FAAH2: variants seen among roughly 807,000 people sequenced by gnomAD.
FAAH2 encodes the protein fatty acid amide hydrolase 2.
Under a neutral mutation model 36.9 loss-of-function variants are expected in FAAH2, and 60 were observed. The ratio of observed to expected loss-of-function variants is 1.63; its 90% CI spans 1.32 to 2.02. FAAH2 has a LOEUF of 2.02. Ranked by LOEUF, FAAH2 falls within the 30% of genes most tolerant of loss-of-function variation. The pLI is 0.00. For synonymous variants in FAAH2, 214 were observed against 143.8 expected, an observed-to-expected ratio of 1.49 and a Z score of -3.49; for missense variants, 689 against 397.5, an observed-to-expected ratio of 1.73 and a Z score of -6.23.
At chrX:57,159,100 C>A in the FAAH2 span, among the ~76,000 whole-genome samples, 84 of 112,211 alleles carry the variant, frequency 7.5e-4, 1 homozygote, top group East Asian at 0.021. Context: ...ATAGAGAATC[C>A]ATTCCCCATT....
chrX:57,488,360 C>A (rs2147298090), intron 10 of FAAH2, among the ~76,000 whole-genome samples: 1 of 111,538 alleles, frequency 9.0e-6, no homozygotes, highest in East Asian at 2.8e-4. Flanking sequence ...ATATATTATT[C>A]TACTTTATAA....
chrX:57,362,011 A>G (rs770753148), intron 5 of FAAH2, among the ~76,000 whole-genome samples: 100 of 111,629 alleles, frequency 9.0e-4, no homozygotes, highest in African/African-American at 2.9e-3. Flanking sequence ...GTTTGCTTTC[A>G]GACTATCAGA....
intron 4 of FAAH2, among the ~76,000 whole-genome samples, chrX:57,339,665 A>T (rs1180289734): frequency 1.8e-5 from 2 of 112,499 alleles, no homozygotes; most frequent in African/African-American, 6.5e-5. Context: ...AACATCACTG[A>T]TCATTAGAGA....
the FAAH2 span, among the ~76,000 whole-genome samples, chrX:57,224,963 T>C: frequency 8.9e-6 from 1 of 112,433 alleles, no homozygotes; most frequent in Non-Finnish European, 1.9e-5. Flanking sequence ...TGATCTTTTG[T>C]ATTTCAGTGG....
chrX:57,259,496 T>C, the FAAH2 span, among the ~76,000 whole-genome samples: 1 of 112,158 alleles, frequency 8.9e-6, no homozygotes, highest in South Asian at 3.7e-4. Context: ...ATGAACCTGA[T>C]GGACTTTATG....
At chrX:57,166,704 G>T in the FAAH2 span, among the ~76,000 whole-genome samples, 9 of 112,280 alleles carry the variant, frequency 8.0e-5, no homozygotes, top group Admixed American at 4.7e-4. Flanking sequence ...TAGTTACGGT[G>T]ATCTTGAAGA....
chrX:57,463,327 C>T (rs147764792), intron 10 of FAAH2, among the ~76,000 whole-genome samples: 1 of 110,357 alleles, frequency 9.1e-6, no homozygotes, highest in Admixed American at 9.7e-5. Flanking sequence ...TTATATGAAA[C>T]AAAAAAAGAG....
chrX:57,261,552 C>CAAAAAAAAAAAAAAAAAA, the FAAH2 span, among the ~76,000 whole-genome samples: 1 of 23,386 alleles, frequency 4.3e-5, no homozygotes, highest in Non-Finnish European at 6.9e-5. Context: ...GACTCTGTCT[C>CAAAAAAAAAAAAAAAAAA]AAAAAAAAAA....
At chrX:57,175,626 T>C in the FAAH2 span, among the ~76,000 whole-genome samples, 1 of 111,398 alleles carries the variant, frequency 9.0e-6, no homozygotes, top group Admixed American at 9.6e-5. Context: ...TTTACCTAGA[T>C]ATTTTGTTTT....
the FAAH2 span, among the ~76,000 whole-genome samples, chrX:57,162,287 C>T: frequency 9.0e-6 from 1 of 111,596 alleles, no homozygotes; most frequent in African/African-American, 3.3e-5. Flanking sequence ...TCTGGCTGCC[C>T]TTAACATTTT....
the FAAH2 span, among the ~76,000 whole-genome samples, chrX:57,202,777 A>G: frequency 1.8e-5 from 2 of 111,866 alleles, no homozygotes; most frequent in Admixed American, 1.9e-4. Context: ...TGGGACCCAG[A>G]GACTAAATCT....
chrX:57,216,600 ATATATATACG>A, the FAAH2 span, among the ~76,000 whole-genome samples: 1 of 42,905 alleles, frequency 2.3e-5, no homozygotes, highest in African/African-American at 1.0e-4. Context: ...ATATATATGT[ATATATATACG>A]TATATATATA....
chrX:57,381,285 T>G (rs970750954), intron 7 of FAAH2, among the ~76,000 whole-genome samples: 4 of 111,867 alleles, frequency 3.6e-5, no homozygotes, highest in Admixed American at 9.5e-5. Context: ...TAACTGTCAT[T>G]AATAATTTGG....
the FAAH2 span, among the ~76,000 whole-genome samples, chrX:57,265,370 A>T: frequency 9.0e-6 from 1 of 111,717 alleles, no homozygotes; most frequent in Non-Finnish European, 1.9e-5. Context: ...ACCTCACAGG[A>T]TAAGACCCAC....
At chrX:57,402,046 A>T (rs1039076350) in intron 7 of FAAH2, among the ~76,000 whole-genome samples, 1 of 111,389 alleles carries the variant, frequency 9.0e-6, no homozygotes, top group Non-Finnish European at 1.9e-5. Flanking sequence ...AAGACTGAGA[A>T]GGCTCTGCCA....
chrX:57,205,157 T>A, the FAAH2 span, among the ~76,000 whole-genome samples: 47 of 112,640 alleles, frequency 4.2e-4, no homozygotes, highest in African/African-American at 1.4e-3. Flanking sequence ...GATTCCAATC[T>A]TCGAGGACTA....
chrX:57,376,323 T>C (rs1010843977), intron 5 of FAAH2, among the ~76,000 whole-genome samples: 2 of 110,940 alleles, frequency 1.8e-5, no homozygotes, highest in Non-Finnish European at 3.8e-5. Flanking sequence ...GCCATGGTGG[T>C]TTGTTGCACC....
intron 2 of FAAH2, among the ~76,000 whole-genome samples, chrX:57,301,762 G>A (rs1182221042): frequency 9.0e-6 from 1 of 111,306 alleles, no homozygotes; most frequent in East Asian, 2.8e-4. Flanking sequence ...TTTGGTGTTG[G>A]TTGTCTCACC....
At position 57,375,738 on chromosome X, in the gene FAAH2, C is replaced by T. The variant is rs1174059543; in HGVS notation, c.743-2913C>T. 2.7e-5 allele frequency among the ~76,000 whole-genome samples: 3 copies of T among 110,782 alleles called. No homozygotes were observed. The South Asian group carries it at 1.1e-3, about 42-fold the overall frequency. ...AGAAAGCCTTGATAAAATATTTGGC[C>T]CTTTTTTAATTGGGTAGTTTGTTTT... is the stretch of plus-strand genomic sequence containing the variant. On this transcript the variant is annotated intron_variant, in intron 5 of 10. Transcript: ENST00000374900.
Sources: gnomAD v4.1 joint callset for allele counts (sites outside exome capture counted in the v4.1 genomes callset) on GRCh38, gnomAD v4.1.1 for gene constraint, MANE v1.5 for transcripts, NCBI Gene and HGNC (gene_info 2026-07-23, HGNC 2026-07-21) for gene names.